Variants in CCDC191 observed in about 807,000 individuals in gnomAD.
The protein encoded by CCDC191 is coiled-coil domain-containing protein 191.
A neutral mutation model predicts 114.0 loss-of-function variants in CCDC191; 99 were observed. The observed-to-expected ratio is 0.87, with a 90% CI of 0.74 to 1.03. CCDC191 has a LOEUF of 1.03. Ranked by LOEUF, CCDC191 falls within the 50% of genes least tolerant of loss-of-function variation. CCDC191 has a pLI of 0.00. For synonymous variants in CCDC191, 351 were observed against 376.0 expected, an observed-to-expected ratio of 0.93 and a Z score of 0.77; for missense variants, 973 against 1,087.0, an observed-to-expected ratio of 0.90 and a Z score of 1.47.
chr3:114,011,188 CA>C (rs2107681656), intron 8 of CCDC191, among the ~76,000 whole-genome samples, 167 bp from the exon 9 acceptor site: 1 of 152,320 alleles, frequency 6.6e-6, no homozygotes, highest in Non-Finnish European at 1.5e-5. Context: ...TTCCCCAGTG[CA>C]AAGGATCTCC....
chr3:113,976,503 C>T (rs1941359087), intron 16 of CCDC191, among the ~76,000 whole-genome samples: 2 of 152,116 alleles, frequency 1.3e-5, no homozygotes, highest in Non-Finnish European at 2.9e-5. Context: ...CAAGTTATTA[C>T]TGCTATCAGA....
At chr3:114,011,844 T>A (rs1027836056) in intron 8 of CCDC191, among the ~76,000 whole-genome samples, 2 of 152,188 alleles carry the variant, frequency 1.3e-5, no homozygotes, top group Non-Finnish European at 2.9e-5. Flanking sequence ...GGCAGTCAGT[T>A]GAGAATTCAA....
chr3:113,969,611 TC>T (rs1940595403), intron 16 of CCDC191, among the ~76,000 whole-genome samples: 1 of 152,228 alleles, frequency 6.6e-6, no homozygotes, highest in African/African-American at 2.4e-5. Context: ...GAGTGTCCTT[TC>T]CCCATTTTAT....
rs139882718 is a variant in CCDC191, at chr3:114,056,396, G to A, written c.71C>T (p.Thr24Ile). The A allele has an allele frequency of 1.2e-5, 20 of 1,614,100 alleles. No homozygotes were observed. The African/African-American group carries it at 2.3e-4, about 18-fold the overall frequency. Reference protein sequence around the residue: ...RMGLNRWKRFTRKPSPKPTFG... With the variant: ...RMGLNRWKRFIRKPSPKPTFG... ...GATCACCTTGGGACTCGGCTTCCTT[G>A]TGAACCGTTTCCAGCGATTCAGCCC... is the stretch of plus-strand genomic sequence containing the variant. Residue 24 changes from threonine to isoleucine, a missense_variant, in exon 1 of 17, where the codon ACA (threonine) becomes ATA (isoleucine). By Grantham distance (89) the Thr-to-Ile change is moderately conservative (BLOSUM62 -1). Transcript: ENST00000295878.
intron 9 of CCDC191, among the ~76,000 whole-genome samples, chr3:114,006,636 TA>T (rs1388821138): frequency 1.5e-5 from 2 of 129,806 alleles, no homozygotes; most frequent in African/African-American, 2.9e-5. Context: ...ATATTTTATA[TA>T]TAAAAAACAT....
rs1048537673 is a variant in CCDC191, at chr3:114,035,215, A to G, written c.595-67T>C. On this transcript the variant is annotated intron_variant, in intron 5 of 16. Coordinates refer to ENST00000295878, the MANE Select transcript of CCDC191 (RefSeq NM_020817.2). Reference sequence around the variant, plus strand: ...TAGAAAGGGATATGAAAAGCCTTACAATACATTTTGAAGTTCAGAATACAA... The same window carrying G: ...TAGAAAGGGATATGAAAAGCCTTACGATACATTTTGAAGTTCAGAATACAA... The G allele has an allele frequency of 5.0e-6, 6 of 1,198,750 alleles. No individual in the cohort carries two copies. In the African/African-American group the frequency reaches 9.1e-5, roughly 18 times the overall value. The allele number at this position is 1,198,750 out of a possible 1,614,324, so 74.3% of individuals were successfully genotyped here. A position where few individuals can be genotyped will look rare whatever the true frequency, so the allele number is the denominator to read the frequency against.
chr3:114,055,411 T>C lies in CCDC191; in HGVS notation c.90+966A>G, dbSNP rs1027572849. Among the ~76,000 whole-genome samples the C allele has an allele frequency of 5.8e-4, 88 of 152,206 alleles. 3 individuals carry two copies. The highest frequency in any genetic ancestry group is 1.3e-4 in the Non-Finnish European group (9 of 68,034). ...AATAGCAGCAGCCTCAGTTTCCAAG[T>C]CTCCCTGATGCTTCAGTCTGTGCCC... On this transcript the variant is annotated intron_variant, in intron 1 of 16. Coordinates refer to ENST00000295878, the MANE Select transcript of CCDC191 (RefSeq NM_020817.2).
rs2075894585 is a variant in CCDC191, at chr3:114,003,635, AT to A, written c.1978+1001del. 11 of 985,210 alleles carry A rather than the reference AT, an allele frequency of 1.1e-5. No homozygotes were observed. The Admixed American group carries it at 5.5e-4, about 50-fold the overall frequency. 61.0% of individuals were successfully genotyped at this position (985,210 alleles called of 1,614,324 possible). On this transcript the variant is annotated intron_variant, in intron 11 of 16. Transcript: ENST00000295878. The stretch of plus-strand genomic sequence containing the variant: ...TTGACCAAACAATAATTTTAAAAAA[AT>A]AATCATACTTAACTGGGTATTTACT...
chr3:114,010,800 A>G lies in CCDC191; in HGVS notation c.1385T>C (p.Met462Thr). 5 of 1,613,630 alleles carry G rather than the reference A, an allele frequency of 3.1e-6. No homozygotes were observed. The highest frequency in any genetic ancestry group is 4.2e-6 in the Non-Finnish European group (5 of 1,179,634). The change falls in exon 9 of 17, where the codon ATG (methionine) becomes ACG (threonine). Residue 462 changes from methionine to threonine, a missense_variant. Physicochemically the swap from Met to Thr is moderately conservative, Grantham distance 81 (BLOSUM62 -1). Transcript: ENST00000295878. ...GISLPEEATAMVGPPVKNGQE... is the reference protein window; with the variant it reads ...GISLPEEATATVGPPVKNGQE... ...TCCATTTTTTACTGGTGGACCCACCATGGCTGTTGCCTCCTCAGGTAGACT... is the reference window on the plus strand; with the variant it reads ...TCCATTTTTTACTGGTGGACCCACCGTGGCTGTTGCCTCCTCAGGTAGACT...
At chr3:113,987,042 G>A (rs1245641368) in intron 13 of CCDC191, among the ~76,000 whole-genome samples, 6 of 150,126 alleles carry the variant, frequency 4.0e-5, no homozygotes, top group Non-Finnish European at 8.9e-5. Context: ...CACCCACAAA[G>A]AAAGAAAGGT....
In CCDC191 at chr3:113,992,626, TAAA is replaced by T. The variant is rs200007982; in HGVS notation, c.2163+8966_2163+8968del. Among the ~76,000 whole-genome samples, 1,272 of 152,250 alleles carry T rather than the reference TAAA, an allele frequency of 8.4e-3. 9 individuals carry two copies. The highest frequency in any genetic ancestry group is 0.029 in the African/African-American group (1,199 of 41,554). ...TAGCATTAGTAGATATACCTAATGCTAAATGACGAGTTAATGGGTGCAGCATAC... is the reference window on the plus strand; with the variant it reads ...TAGCATTAGTAGATATACCTAATGCTTGACGAGTTAATGGGTGCAGCATAC... On this transcript the variant is annotated intron_variant, in intron 13 of 16. Coordinates refer to ENST00000295878, the MANE Select transcript of CCDC191 (RefSeq NM_020817.2).
At chr3:114,026,068 T>G (rs1169789626) in intron 7 of CCDC191, among the ~76,000 whole-genome samples, 1 of 152,210 alleles carries the variant, frequency 6.6e-6, no homozygotes, top group African/African-American at 2.4e-5. Context: ...AGTCTCTTTT[T>G]TCAATTTTTA....
chr3:114,001,605 A>C lies in CCDC191; in HGVS notation c.2153T>G (p.Leu718Arg), dbSNP rs1211010749. 5.0e-6 allele frequency: 8 copies of C among 1,613,440 alleles called. No homozygotes were observed. In the African/African-American group the frequency reaches 1.1e-4, roughly 22 times the overall value. The stretch of plus-strand genomic sequence containing the variant: ...ATAGACAATACTAACCATTTTCTTC[A>C]GTCTCTTCTCTTCTCGTTTTCTTTC... ...QLERKREEKRLKKMKELEKQK... is the reference protein window; with the variant it reads ...QLERKREEKRRKKMKELEKQK... Residue 718 changes from leucine (L) to arginine (R), a missense_variant, in exon 13 of 17, where the codon CTG becomes CGG. Coordinates refer to ENST00000295878, the MANE Select transcript of CCDC191 (RefSeq NM_020817.2).
intron 16 of CCDC191, among the ~76,000 whole-genome samples, chr3:113,975,442 G>T (rs77914597): frequency 6.6e-6 from 1 of 152,024 alleles, no homozygotes; most frequent in Middle Eastern, 3.2e-3. Context: ...TTAAAGACTG[G>T]TGACCTTAAA....
At chr3:114,051,874 G>GA (rs1181384893) in intron 2 of CCDC191, among the ~76,000 whole-genome samples, 4 of 152,158 alleles carry the variant, frequency 2.6e-5, no homozygotes, top group East Asian at 3.9e-4. Context: ...GAAGCAGCAG[G>GA]AAAAAAACAG....
chr3:114,035,979 GTT>G (rs1248661577), intron 5 of CCDC191, among the ~76,000 whole-genome samples: 1 of 152,134 alleles, frequency 6.6e-6, no homozygotes, highest in African/African-American at 2.4e-5. Context: ...GAAATTTAGT[GTT>G]ATACAAAGAT....
chr3:113,967,791 C>A (rs114471130), intron 16 of CCDC191, among the ~76,000 whole-genome samples: 1,527 of 152,248 alleles, frequency 0.01, 29 homozygotes, highest in African/African-American at 0.034. Context: ...ATCCACCTCC[C>A]AACCTCTACC....
At chr3:113,978,830 T>C (rs763035904) in intron 15 of CCDC191, 28 bp downstream of exon 15, 1 of 1,604,672 alleles carries the variant, frequency 6.2e-7, no homozygotes, top group Non-Finnish European at 8.5e-7. Flanking sequence ...ATGAGATGTA[T>C]TTAAGGTACC....
Position 114,005,815 on chromosome 3 carries a change from T to C in CCDC191, c.1561A>G (p.Lys521Glu). Reference sequence around the variant, plus strand: ...TGAGAGGGTTCAGCACCCAGGGTCTTGTGCTGCTTATTGCCAGGTGCACTC... The same window carrying C: ...TGAGAGGGTTCAGCACCCAGGGTCTCGTGCTGCTTATTGCCAGGTGCACTC... ...SLSAPGNKQH[K>E]TLGAEPSQQP... The change falls in exon 10 of 17, where the codon AAG becomes GAG. Residue 521 changes from lysine to glutamate, a missense_variant. Transcript: ENST00000295878. The C allele has an allele frequency of 6.2e-7, 1 of 1,614,080 alleles. No homozygotes were observed. Among genetic ancestry groups the C allele is most frequent in the South Asian group, 1.1e-5 (1 of 91,080 alleles).
Sources: allele counts gnomAD v4.1 joint callset (sites outside exome capture counted in the v4.1 genomes callset), GRCh38; gene constraint gnomAD v4.1.1; transcripts MANE v1.5; gene names NCBI Gene and HGNC (gene_info 2026-07-23, HGNC 2026-07-21).